APLP2: variants seen among roughly 807,000 people sequenced by gnomAD.
APLP2 encodes the protein amyloid beta precursor like protein 2.
A neutral mutation model predicts 89.9 loss-of-function variants in APLP2; 53 were observed. The observed-to-expected ratio is 0.59, with a 90% CI of 0.47 to 0.74. The LOEUF (loss-of-function observed/expected upper bound fraction) is 0.74. Ranked by LOEUF, APLP2 falls within the 30% of genes least tolerant of loss-of-function variation. The pLI is 0.00. For synonymous variants in APLP2, 372 were observed against 348.6 expected, an observed-to-expected ratio of 1.07 and a Z score of -0.75; for missense variants, 973 against 975.9, an observed-to-expected ratio of 1.00 and a Z score of 0.04.
At chr11:130,076,312 C>T (rs904843189) in intron 1 of APLP2, among the ~76,000 whole-genome samples, 2 of 152,086 alleles carry the variant, frequency 1.3e-5, no homozygotes, top group South Asian at 4.1e-4. Flanking sequence ...TGACCTCAAG[C>T]GATCCAGCCG....
chr11:130,095,851 T>C (rs151192148), intron 1 of APLP2, among the ~76,000 whole-genome samples: 1 of 152,348 alleles, frequency 6.6e-6, no homozygotes, highest in Non-Finnish European at 1.5e-5. Flanking sequence ...GCATAGACTT[T>C]AGAGTCAGTT....
intron 13 of APLP2, 113 bp from the exon 14 acceptor site, chr11:130,140,285 G>T: frequency 1.5e-6 from 1 of 669,330 alleles, no homozygotes; most frequent in Non-Finnish European, 2.5e-6. Context: ...AGTCGCGTGG[G>T]GAGGTGCGTG....
intron 1 of APLP2, among the ~76,000 whole-genome samples, chr11:130,091,997 T>G (rs1374395816): frequency 7.9e-6 from 1 of 126,300 alleles, no homozygotes; most frequent in African/African-American, 3.5e-5. Flanking sequence ...GTCTCCTCAC[T>G]TCTCAGACGG....
At chr11:130,107,495 T>C (rs1947937017) in intron 1 of APLP2, among the ~76,000 whole-genome samples, 1 of 152,108 alleles carries the variant, frequency 6.6e-6, no homozygotes, top group Admixed American at 6.6e-5. Flanking sequence ...TACCTGGGAA[T>C]CCAACTTACA....
At chr11:130,087,491 G>T (rs1944293467) in intron 1 of APLP2, among the ~76,000 whole-genome samples, 1 of 152,156 alleles carries the variant, frequency 6.6e-6, no homozygotes, top group Non-Finnish European at 1.5e-5. Flanking sequence ...TCTTCGAGGG[G>T]GCTGAGTATG....
At position 130,129,116 on chromosome 11, in the gene APLP2, C is replaced by T; in HGVS notation, c.1365C>T (p.Thr455=). ...GTGAGAAGCAGCAGCTGGTGGAGAC[C>T]CACCTGGCCCGAGTGGAAGCTATGC... ...AASEKQQLVE[T]HLARVEAMLN... The change falls in exon 10 of 17, where the codon ACC becomes ACT. Residue 455 remains threonine, a synonymous_variant. Coordinates refer to ENST00000338167, the MANE Select transcript of APLP2 (RefSeq NM_001142276.2). 1 of 1,614,148 alleles carries T rather than the reference C, an allele frequency of 6.2e-7. No homozygotes were observed.
intron 7 of APLP2, among the ~76,000 whole-genome samples, chr11:130,124,464 TAGAA>T (rs1950165767): frequency 6.6e-6 from 1 of 152,072 alleles, no homozygotes; most frequent in South Asian, 2.1e-4. Flanking sequence ...TGGACGTTGG[TAGAA>T]AGAGTTTCTA....
chr11:130,070,202 T>TCTGCGGCGGGTCTGGCG (rs1940627950), intron 1 of APLP2, 120 bp downstream of exon 1: 1 of 444,420 alleles, frequency 2.3e-6, no homozygotes, highest in Admixed American at 5.6e-5. Context: ...GGGGTCCGGC[T>TCTGCGGCGGGTCTGGCG]CTGCGGCGGG....
At chr11:130,125,587 G>A (rs1950289189) in intron 7 of APLP2, among the ~76,000 whole-genome samples, 1 of 152,240 alleles carries the variant, frequency 6.6e-6, no homozygotes, top group Middle Eastern at 3.4e-3. Context: ...AGATGCTTCC[G>A]ACAGAAAAAA....
rs1437059876 is a variant in APLP2 at position 130,121,822 on chromosome 11, A to G, written c.713+12A>G. ...GATGTTTATAAAAGGTAACTCTTCT[A>G]CTTTGAACTGTGAAGTCGTTTTGCC... On this transcript the variant is annotated intron_variant, in intron 5 of 16. Transcript: ENST00000338167. 2.5e-6 allele frequency: 4 copies of G among 1,605,424 alleles called. No homozygotes were observed. The highest frequency in any genetic ancestry group is 3.3e-5 in the Admixed American group (2 of 59,938).
intron 1 of APLP2, among the ~76,000 whole-genome samples, chr11:130,096,629 G>A (rs1268594322): frequency 6.6e-6 from 1 of 152,140 alleles, no homozygotes; most frequent in South Asian, 2.1e-4. Flanking sequence ...AAGGCAGGAG[G>A]ATCACTTGAG....
chr11:130,079,520 T>C (rs571780276), intron 1 of APLP2, among the ~76,000 whole-genome samples: 7 of 152,376 alleles, frequency 4.6e-5, no homozygotes, highest in Admixed American at 3.9e-4. Context: ...TTTTTTATGC[T>C]ATTATAAATG....
rs993960824 is a variant in APLP2, at chr11:130,143,505, C to T, written c.*57C>T. 4.9e-6 allele frequency: 7 copies of T among 1,432,740 alleles called. No individual in the cohort carries two copies. In the Admixed American group the frequency reaches 5.0e-5, roughly 10 times the overall value. 88.8% of individuals were successfully genotyped at this position (1,432,740 alleles called of 1,614,324 possible). Reference sequence around the variant, plus strand: ...GATGCAGGTGGGCCGGAAGATCCCACGATTCCGATCGACTGCCAAGCAGCA... The same window carrying T: ...GATGCAGGTGGGCCGGAAGATCCCATGATTCCGATCGACTGCCAAGCAGCA... On this transcript the variant is annotated 3_prime_UTR_variant, in exon 17 of 17. Transcript: ENST00000338167.
chr11:130,115,733 G>A (rs1190220262), intron 3 of APLP2, among the ~76,000 whole-genome samples: 2 of 152,210 alleles, frequency 1.3e-5, no homozygotes, highest in Non-Finnish European at 2.9e-5. Context: ...GTAAAACAGA[G>A]TAATACTGAT....
chr11:130,079,576 T>C (rs894389984), intron 1 of APLP2, among the ~76,000 whole-genome samples: 2 of 152,216 alleles, frequency 1.3e-5, no homozygotes, highest in African/African-American at 2.4e-5. Flanking sequence ...TTGTGAAAAA[T>C]ACAATTGATA....
chr11:130,084,846 A>G (rs1171290944), intron 1 of APLP2, among the ~76,000 whole-genome samples: 1 of 152,212 alleles, frequency 6.6e-6, no homozygotes, highest in African/African-American at 2.4e-5. Context: ...CAGAATAGAA[A>G]AAAACAATAG....
chr11:130,111,682 A>G (rs1438528692), intron 3 of APLP2, among the ~76,000 whole-genome samples: 1 of 152,130 alleles, frequency 6.6e-6, no homozygotes, highest in East Asian at 1.9e-4. Flanking sequence ...GAGGGGCGTC[A>G]TGTGTGCTTA....
intron 1 of APLP2, among the ~76,000 whole-genome samples, chr11:130,091,134 A>C (rs1163241): frequency 7.5e-5 from 9 of 119,418 alleles, no homozygotes; most frequent in African/African-American, 2.5e-4. Context: ...CTGGCCGGGC[A>C]GAGGGGCTCC....
chr11:130,092,729 G>T (rs1352299313), intron 1 of APLP2, among the ~76,000 whole-genome samples: 1 of 146,968 alleles, frequency 6.8e-6, no homozygotes, highest in Non-Finnish European at 1.5e-5. Context: ...GGGAGGGAGA[G>T]GGAGCTCTGT....
Sources: allele counts gnomAD v4.1 joint callset (sites outside exome capture counted in the v4.1 genomes callset), GRCh38; gene constraint gnomAD v4.1.1; transcripts MANE v1.5; gene names NCBI Gene and HGNC (gene_info 2026-07-23, HGNC 2026-07-21).